KRT86: variants seen among roughly 807,000 people sequenced by gnomAD.
KRT86 encodes the protein keratin, type II cuticular Hb6.
In KRT86, 30 loss-of-function variants were observed where a neutral mutation model predicts 41.2. The ratio of observed to expected loss-of-function variants is 0.73; its 90% CI spans 0.54 to 0.99. The LOEUF (loss-of-function observed/expected upper bound fraction) is 0.99. KRT86 is among the 50% of genes least tolerant of loss of function. The probability of loss-of-function intolerance (pLI) is 0.00; values close to 1 mark genes in which losing one functional copy is unlikely to be tolerated. For synonymous variants in KRT86, 238 were observed against 238.1 expected (o/e 1.00, Z 0.00); for missense variants, 561 against 571.4 (o/e 0.98, Z 0.19).
At position 52,308,791 on chromosome 12, in the gene KRT86, T is replaced by C; in HGVS notation, c.*206T>C. 1 of 588,908 alleles carries C rather than the reference T, an allele frequency of 1.7e-6. No individual in the cohort carries two copies. Among genetic ancestry groups the C allele is most frequent in the South Asian group, 2.0e-5 (1 of 48,952 alleles). 36.5% of individuals were successfully genotyped at this position (588,908 alleles called of 1,614,324 possible). ...GCCGGGAGGCGCCATGGTCTCTCTC[T>C]GTAGCCTTTCCTGGTAGTCAATTTG... is the stretch of plus-strand genomic sequence containing the variant. On this transcript the variant is annotated 3_prime_UTR_variant, in exon 11 of 11. Coordinates refer to ENST00000423955, the MANE Select transcript of KRT86 (RefSeq NM_001320198.2).
chr12:52,294,196 A>T (rs890534172), intron 2 of KRT86, among the ~76,000 whole-genome samples: 2 of 152,158 alleles, frequency 1.3e-5, no homozygotes, highest in African/African-American at 4.8e-5. Context: ...TCCCCAGTAA[A>T]CCAGCGGTTG....
intron 2 of KRT86, among the ~76,000 whole-genome samples, chr12:52,290,534 A>ACCC (rs759612226): frequency 1.6e-4 from 1 of 6,122 alleles, no homozygotes; most frequent in Non-Finnish European, 2.6e-4. Context: ...GAGTTGAGTG[A>ACCC]CCCCCCCCCC....
chr12:52,307,040 G>A (rs552104944), intron 9 of KRT86: 5 of 149,682 alleles, frequency 3.3e-5, no homozygotes, highest in African/African-American at 1.2e-4. Context: ...GGTCTCACTC[G>A]AAGCTCCTTT....
intron 2 of KRT86, among the ~76,000 whole-genome samples, chr12:52,285,676 G>C (rs991996823): frequency 4.6e-5 from 7 of 152,224 alleles, no homozygotes; most frequent in Non-Finnish European, 7.3e-5. Flanking sequence ...ATTATTGAGT[G>C]CCTCTGAGTT....
At position 52,299,805 on chromosome 12, in the gene KRT86, A is replaced by G. The variant is rs555218827; in HGVS notation, c.-4-2108A>G. Among the ~76,000 whole-genome samples, 10 of 152,276 alleles carry G rather than the reference A, an allele frequency of 6.6e-5. No homozygotes were observed. In the South Asian group the frequency reaches 1.0e-3, roughly 16 times the overall value. On this transcript the variant is annotated intron_variant, in intron 2 of 10. Transcript: ENST00000423955. ...AATCAGATTATTTGGTTTACTTGCT[A>G]TTGAGTTGTTTGAGTTCCTTATATA...
At chr12:52,301,712 A>T in intron 2 of KRT86, 2 of 453,062 alleles carry the variant, frequency 4.4e-6, no homozygotes, top group Non-Finnish European at 2.9e-6. Flanking sequence ...GGCACCAATT[A>T]AGTACATTAA....
At chr12:52,279,128 G>A (rs1477781641) in intron 2 of KRT86, 1 of 152,252 alleles carries the variant, frequency 6.6e-6, no homozygotes, top group Non-Finnish European at 1.5e-5. Context: ...GCAGGCTCCG[G>A]CGCCCTGGAG....
At position 52,302,045 on chromosome 12, in the gene KRT86, G is replaced by C. The variant is rs754598294; in HGVS notation, c.129G>C (p.Gly43=). 10 of 1,608,168 alleles carry C rather than the reference G, an allele frequency of 6.2e-6. No individual in the cohort carries two copies. The highest frequency in any genetic ancestry group is 7.6e-6 in the Non-Finnish European group (9 of 1,177,862). ...RGISCYRGLT[G]GFGSHSVCGG... is the part of the protein sequence containing the mutation. ...TCTCCTGCTACCGCGGCCTCACCGG[G>C]GGCTTCGGCAGCCACAGCGTGTGCG... The change falls in exon 3 of 11, where the codon GGG becomes GGC. Residue 43 remains glycine (G), a synonymous_variant. Transcript: ENST00000423955.
chr12:52,305,306 G>A lies in KRT86; in HGVS notation c.802G>A (p.Asp268Asn). Reference sequence around the variant, plus strand: ...GGTTGTCAAGCTGGACAACAGCCGGGACCTGAACATGGACTGCATCATTGC... The same window carrying A: ...GGTTGTCAAGCTGGACAACAGCCGGAACCTGAACATGGACTGCATCATTGC... ...SVVVKLDNSRDLNMDCIIAEI... is the reference protein window; with the variant it reads ...SVVVKLDNSRNLNMDCIIAEI... Residue 268 changes from aspartate to asparagine, a missense_variant, in exon 7 of 11, where the codon GAC (aspartate) becomes AAC (asparagine). Physicochemically the swap from Asp to Asn is conservative, Grantham distance 23. This residue lies in a region of KRT86 where 397 missense variants were observed against 375.9 expected (regional missense o/e 1.06). Transcript: ENST00000423955. 6.2e-7 allele frequency: 1 copy of A among 1,614,230 alleles called. No homozygotes were observed. Among genetic ancestry groups the A allele is most frequent in the African/African-American group, 1.3e-5 (1 of 75,058 alleles).
Position 52,308,670 on chromosome 12 carries a change from G to A in KRT86, c.*85G>A. 3.6e-6 allele frequency: 5 copies of A among 1,382,830 alleles called. No homozygotes were observed. The South Asian group carries it at 3.6e-5, about 10-fold the overall frequency. The allele number at this position is 1,382,830 out of a possible 1,614,324, so 85.7% of individuals were successfully genotyped here. A position where few individuals can be genotyped will look rare whatever the true frequency, so the allele number is the denominator to read the frequency against. ...GCCACCAGAACGCGCCGCCCGCGCC[G>A]GCCTCCCAATAGCCGCCGCCCGCTG... On this transcript the variant is annotated 3_prime_UTR_variant, in exon 11 of 11. Coordinates refer to ENST00000423955, the MANE Select transcript of KRT86 (RefSeq NM_001320198.2).
intron 2 of KRT86, among the ~76,000 whole-genome samples, chr12:52,278,379 T>C (rs1937686275): frequency 6.6e-6 from 1 of 151,944 alleles, no homozygotes; most frequent in African/African-American, 2.4e-5. Flanking sequence ...CCTGTAGAGG[T>C]TTAAAATGTT....
chr12:52,308,251 C>T lies in KRT86; in HGVS notation c.1266C>T (p.Gly422=). The T allele has an allele frequency of 6.2e-7, 1 of 1,614,222 alleles. No individual in the cohort carries two copies. Among genetic ancestry groups the T allele is most frequent in the Non-Finnish European group, 8.5e-7 (1 of 1,180,056 alleles). Residue 422 remains glycine, a synonymous_variant, in exon 10 of 11, where the codon GGC becomes GGT. Transcript: ENST00000423955. ...GEEQRLCEGV[G]SVNVCVSSSR... Reference sequence around the variant, plus strand: ...CCTGCAGGCTGTGCGAGGGCGTCGGCTCGGTGAATGTCTGTAAGTAGTGGG... The same window carrying T: ...CCTGCAGGCTGTGCGAGGGCGTCGGTTCGGTGAATGTCTGTAAGTAGTGGG...
chr12:52,304,795 A>G, intron 5 of KRT86, 137 bp from the exon 6 acceptor site: 1 of 1,004,030 alleles, frequency 1.0e-6, no homozygotes, highest in South Asian at 1.3e-5. Context: ...GGGAAGGGCC[A>G]GAAGGGAAGG....
chr12:52,284,651 C>T (rs971648509), intron 2 of KRT86, among the ~76,000 whole-genome samples: 8 of 152,294 alleles, frequency 5.3e-5, no homozygotes, highest in South Asian at 4.1e-4. Flanking sequence ...AGAATTTGTT[C>T]TTTTCAGTCC....
At position 52,308,267 on chromosome 12, in the gene KRT86, A is replaced by G; in HGVS notation, c.1279+3A>G. The G allele has an allele frequency of 6.2e-7, 1 of 1,614,132 alleles. No individual in the cohort carries two copies. The highest frequency in any genetic ancestry group is 8.5e-7 in the Non-Finnish European group (1 of 1,180,022). Reference sequence around the variant, plus strand: ...GGGCGTCGGCTCGGTGAATGTCTGTAAGTAGTGGGGTCCGTCCCCTCCTCC... The same window carrying G: ...GGGCGTCGGCTCGGTGAATGTCTGTGAGTAGTGGGGTCCGTCCCCTCCTCC... On this transcript the variant is annotated splice_donor_region_variant and intron_variant, in intron 10 of 10. Coordinates refer to ENST00000423955, the MANE Select transcript of KRT86 (RefSeq NM_001320198.2).
intron 2 of KRT86, among the ~76,000 whole-genome samples, chr12:52,278,605 A>G (rs1026515789): frequency 1.3e-5 from 2 of 152,108 alleles, no homozygotes; most frequent in Non-Finnish European, 2.9e-5. Context: ...AATGCAGAAT[A>G]CCAAACCTAG....
At chr12:52,304,482 T>C (rs1938454734) in intron 5 of KRT86, among the ~76,000 whole-genome samples, 1 of 150,604 alleles carries the variant, frequency 6.6e-6, no homozygotes, top group African/African-American at 2.4e-5. Flanking sequence ...ACAATGTCTC[T>C]GCTGAGAGAC....
intron 2 of KRT86, chr12:52,288,046 C>G (rs1938015275): frequency 1.2e-6 from 2 of 1,614,114 alleles, no homozygotes; most frequent in African/African-American, 2.7e-5. Context: ...TCATACTGTG[C>G]CTTAATCTCG....
At chr12:52,297,786 A>G (rs1938283909) in intron 2 of KRT86, among the ~76,000 whole-genome samples, 1 of 152,218 alleles carries the variant, frequency 6.6e-6, no homozygotes, top group Non-Finnish European at 1.5e-5. Context: ...AGTAATGACT[A>G]CTTGTCTTCT....
Sources: gnomAD v4.1 joint callset for allele counts (sites outside exome capture counted in the v4.1 genomes callset) on GRCh38, gnomAD v4.1.1 for gene constraint, gnomAD v4.1.1 regional missense constraint, MANE v1.5 for transcripts, NCBI Gene and HGNC (gene_info 2026-07-23, HGNC 2026-07-21) for gene names.